ENAH: variants seen among roughly 807,000 people sequenced by gnomAD.
ENAH encodes the protein protein enabled homolog.
ENAH carries 23 observed loss-of-function variants against 78.7 expected under a neutral mutation model. That is an observed-to-expected ratio of 0.29 (90% CI 0.21 to 0.41). The LOEUF (loss-of-function observed/expected upper bound fraction) is 0.41. ENAH is among the 10% of genes least tolerant of loss of function. The pLI, the probability that ENAH is intolerant of heterozygous loss-of-function variation, is 1.00. For missense variants in ENAH, 544 were observed against 691.0 expected (o/e 0.79, Z 2.39); for synonymous variants, 226 against 241.0 (o/e 0.94, Z 0.58).
chr1:225,611,770 G>T (rs1172523512), intron 1 of ENAH, among the ~76,000 whole-genome samples: 3 of 152,190 alleles, frequency 2.0e-5, no homozygotes, highest in Non-Finnish European at 4.4e-5. Context: ...ACAGGTGACA[G>T]AGTGAGAAAA....
intron 1 of ENAH, among the ~76,000 whole-genome samples, chr1:225,593,400 T>TGGGG (rs1456095465): frequency 2.0e-4 from 4 of 20,460 alleles, no homozygotes; most frequent in Non-Finnish European, 2.8e-4. Flanking sequence ...TGTGTGTGTG[T>TGGGG]GGGGGGGGGG....
At chr1:225,521,358 C>T (rs556649938) in intron 4 of ENAH, among the ~76,000 whole-genome samples, 24 of 151,902 alleles carry the variant, frequency 1.6e-4, no homozygotes, top group African/African-American at 5.5e-4. Flanking sequence ...TTAACCTTCC[C>T]TAAAAAAAAA....
rs1269945078 is a variant in ENAH at position 225,616,345 on chromosome 1, AAG to A, written c.5+36339_5+36340del. Among the ~76,000 whole-genome samples the A allele has an allele frequency of 4.6e-5, 7 of 152,270 alleles. No individual in the cohort carries two copies. In the South Asian group the frequency reaches 6.2e-4, roughly 14 times the overall value. ...CAATAAATACTTAAAAAAAAAAAAA[AAG>A]AGTAATACTTTGAAATAGTCACATT... On this transcript the variant is annotated intron_variant, in intron 1 of 13. Coordinates refer to ENST00000366843, the MANE Select transcript of ENAH (RefSeq NM_018212.6).
chr1:225,601,539 A>G (rs2096931204), intron 1 of ENAH, among the ~76,000 whole-genome samples: 2 of 151,600 alleles, frequency 1.3e-5, no homozygotes, highest in South Asian at 4.2e-4. Context: ...AAAAAAAAAG[A>G]GAAGGTTCCA....
At chr1:225,530,664 T>A in intron 3 of ENAH, 26 bp from the exon 4 acceptor site, 1 of 1,528,402 alleles carries the variant, frequency 6.5e-7, no homozygotes, top group South Asian at 1.1e-5. Context: ...ACATTACAGA[T>A]GAACATTATT....
At chr1:225,652,093 T>C (rs1178153751) in intron 1 of ENAH, among the ~76,000 whole-genome samples, 3 of 151,562 alleles carry the variant, frequency 2.0e-5, no homozygotes, top group Non-Finnish European at 4.4e-5. Context: ...CCAACTTACT[T>C]ATCCCAGTCT....
At chr1:225,543,580 T>C (rs1368170876) in intron 3 of ENAH, among the ~76,000 whole-genome samples, 1 of 152,252 alleles carries the variant, frequency 6.6e-6, no homozygotes, top group Non-Finnish European at 1.5e-5. Flanking sequence ...CCATTCATGT[T>C]ACTTACACTG....
intron 3 of ENAH, among the ~76,000 whole-genome samples, chr1:225,552,509 T>C (rs1349155015): frequency 6.6e-6 from 1 of 152,170 alleles, no homozygotes; most frequent in Non-Finnish European, 1.5e-5. Flanking sequence ...AAATAAGAAA[T>C]AGTATTTAAC....
At chr1:225,536,570 A>G (rs2151296522) in intron 3 of ENAH, among the ~76,000 whole-genome samples, 1 of 152,152 alleles carries the variant, frequency 6.6e-6, no homozygotes, top group East Asian at 1.9e-4. Flanking sequence ...AAAGGCAAAC[A>G]AGACAGTGTT....
At chr1:225,577,442 A>G (rs2096793813) in intron 1 of ENAH, among the ~76,000 whole-genome samples, 1 of 152,260 alleles carries the variant, frequency 6.6e-6, no homozygotes, top group Non-Finnish European at 1.5e-5. Flanking sequence ...GGCAGCCTAC[A>G]AAGTTATTTT....
At chr1:225,601,285 C>A (rs961893719) in intron 1 of ENAH, among the ~76,000 whole-genome samples, 5 of 152,054 alleles carry the variant, frequency 3.3e-5, no homozygotes, top group Non-Finnish European at 5.9e-5. Flanking sequence ...GTTTGGGAGG[C>A]CGAGGTGGGC....
intron 1 of ENAH, among the ~76,000 whole-genome samples, chr1:225,617,435 G>A (rs1655983060): frequency 6.6e-6 from 1 of 152,138 alleles, no homozygotes; most frequent in Non-Finnish European, 1.5e-5. Flanking sequence ...TAGGATCCTG[G>A]CTCAGGATTT....
intron 1 of ENAH, among the ~76,000 whole-genome samples, chr1:225,571,965 T>C (rs1318986529): frequency 6.6e-6 from 1 of 152,106 alleles, no homozygotes; most frequent in Non-Finnish European, 1.5e-5. Context: ...TTCCTGAGTT[T>C]TGGGAATCAT....
intron 1 of ENAH, among the ~76,000 whole-genome samples, chr1:225,635,772 A>C (rs1659952153): frequency 1.3e-5 from 2 of 152,334 alleles, no homozygotes; most frequent in Admixed American, 6.5e-5. Context: ...AGAAAACATC[A>C]ACTGAAGACA....
chr1:225,547,668 G>A (rs1014682343), intron 3 of ENAH, among the ~76,000 whole-genome samples: 2 of 152,108 alleles, frequency 1.3e-5, no homozygotes, highest in African/African-American at 4.8e-5. Context: ...GGTCTCAAAC[G>A]CCCTTCTTGA....
At chr1:225,644,992 A>T (rs1222142638) in intron 1 of ENAH, among the ~76,000 whole-genome samples, 1 of 152,208 alleles carries the variant, frequency 6.6e-6, no homozygotes, top group Non-Finnish European at 1.5e-5. Context: ...CCTACCAAAG[A>T]GATGGCTGGC....
At chr1:225,555,407 C>A (rs1013546198) in intron 2 of ENAH, among the ~76,000 whole-genome samples, 1 of 151,972 alleles carries the variant, frequency 6.6e-6, no homozygotes, top group Admixed American at 6.6e-5. Context: ...ACGGTGAAAC[C>A]CCATCTCTAC....
At chr1:225,516,813 GC>G (rs1180008105) in intron 6 of ENAH, among the ~76,000 whole-genome samples, 1 of 151,576 alleles carries the variant, frequency 6.6e-6, no homozygotes, top group African/African-American at 2.4e-5. Flanking sequence ...GGTGGAGGTT[GC>G]AGTGAGCTGA....
At chr1:225,607,939 C>G (rs2096965125) in intron 1 of ENAH, among the ~76,000 whole-genome samples, 1 of 151,992 alleles carries the variant, frequency 6.6e-6, no homozygotes, top group African/African-American at 2.4e-5. Context: ...AAAATAAAAA[C>G]TTTTTTAAAA....
Sources: gnomAD v4.1 joint callset for allele counts (sites outside exome capture counted in the v4.1 genomes callset) on GRCh38, gnomAD v4.1.1 for gene constraint, MANE v1.5 for transcripts, NCBI Gene and HGNC (gene_info 2026-07-23, HGNC 2026-07-21) for gene names.